ZNF280D: variants seen among roughly 807,000 people sequenced by gnomAD.
ZNF280D encodes zinc finger protein 280D.
A neutral mutation model predicts 94.7 loss-of-function variants in ZNF280D; 39 were observed. That is an observed-to-expected ratio of 0.41 (90% CI 0.32 to 0.54). ZNF280D has a LOEUF of 0.54. ZNF280D is among the 20% of genes least tolerant of loss of function. The pLI, the probability that ZNF280D is intolerant of heterozygous loss-of-function variation, is 0.22. For synonymous variants in ZNF280D, 398 were observed against 377.6 expected (o/e 1.05, Z -0.63); for missense variants, 1,090 against 1,149.3 (o/e 0.95, Z 0.75).
At chr15:56,683,406 G>C (rs1368325033) in intron 9 of ZNF280D, among the ~76,000 whole-genome samples, 3 of 152,158 alleles carry the variant, frequency 2.0e-5, no homozygotes, top group African/African-American at 7.2e-5. Context: ...GCATAGCTGA[G>C]CTGTGGTACA....
intron 21 of ZNF280D, 74 bp downstream of exon 21, chr15:56,635,121 C>T (rs992046716): frequency 1.1e-6 from 1 of 887,668 alleles, no homozygotes; most frequent in Non-Finnish European, 1.7e-6. Context: ...TGCCAGTTAA[C>T]TGTGAAATAA....
intron 4 of ZNF280D, among the ~76,000 whole-genome samples, chr15:56,701,611 T>C (rs1462473071): frequency 2.6e-5 from 4 of 152,116 alleles, no homozygotes; most frequent in Admixed American, 1.3e-4. Context: ...TTTAAATGTA[T>C]ATCTTTCTTT....
chr15:56,706,199 G>A (rs1039831389), intron 3 of ZNF280D, among the ~76,000 whole-genome samples: 1 of 143,806 alleles, frequency 7.0e-6, no homozygotes, highest in African/African-American at 2.6e-5. Context: ...TGGAGGACAG[G>A]CACAGTGGCT....
intron 16 of ZNF280D, among the ~76,000 whole-genome samples, chr15:56,663,426 G>C (rs1350760633): frequency 6.6e-6 from 1 of 152,106 alleles, no homozygotes; most frequent in Admixed American, 6.5e-5. Context: ...TACAGAGTTA[G>C]TACGGGATAG....
chr15:56,688,965 C>T, intron 9 of ZNF280D, 76 bp downstream of exon 9: 2 of 864,670 alleles, frequency 2.3e-6, no homozygotes, highest in Admixed American at 2.7e-5. Flanking sequence ...TCTGGACAAA[C>T]CATTAATTAC....
chr15:56,731,537 A>G (rs1312920303), intron 1 of ZNF280D, among the ~76,000 whole-genome samples: 1 of 151,354 alleles, frequency 6.6e-6, no homozygotes, highest in African/African-American at 2.4e-5. Flanking sequence ...AAGACTGAAA[A>G]GGAATTTTGA....
At position 56,702,023 on chromosome 15, in the gene ZNF280D, C is replaced by CAAA. The variant is rs36004101; in HGVS notation, c.176-788_176-786dup. 5.6e-3 allele frequency among the ~76,000 whole-genome samples: 714 copies of CAAA among 128,554 alleles called. 14 individuals carry two copies. The highest frequency in any genetic ancestry group is 0.025 in the South Asian group (99 of 3,984). The allele number at this position is 128,554 out of a possible 152,430, so 84.3% of individuals were successfully genotyped here. A position where few individuals can be genotyped will look rare whatever the true frequency, so the allele number is the denominator to read the frequency against. The stretch of plus-strand genomic sequence containing the variant: ...TGGTTAGAAAAAGGTAAAAAGCACC[C>CAAA]AAAAAAAAAAAAAAAAACCACCCAC... On this transcript the variant is annotated intron_variant, in intron 4 of 21. Coordinates refer to ENST00000267807, the MANE Select transcript of ZNF280D (RefSeq NM_017661.4).
chr15:56,640,461 T>C (rs1402800949), intron 20 of ZNF280D, among the ~76,000 whole-genome samples: 3 of 152,078 alleles, frequency 2.0e-5, no homozygotes, highest in African/African-American at 7.2e-5. Context: ...TCTAGAATGT[T>C]AGTCAGAAAA....
intron 1 of ZNF280D, among the ~76,000 whole-genome samples, chr15:56,711,760 C>T (rs2057770920): frequency 1.3e-5 from 2 of 152,314 alleles, no homozygotes; most frequent in South Asian, 2.1e-4. Flanking sequence ...TATGGTCATG[C>T]ATCACTTAAC....
chr15:56,698,339 C>G (rs566217575), intron 6 of ZNF280D: 4 of 152,168 alleles, frequency 2.6e-5, no homozygotes, highest in East Asian at 3.9e-4. Flanking sequence ...CACCACCCAT[C>G]AGAAAACTCT....
intron 13 of ZNF280D, among the ~76,000 whole-genome samples, chr15:56,669,540 C>CT (rs2054531688): frequency 2.0e-5 from 3 of 151,572 alleles, no homozygotes; most frequent in East Asian, 3.9e-4. Context: ...TGAAATGTGG[C>CT]CACTGTGACT....
chr15:56,665,703 CA>C lies in ZNF280D; in HGVS notation c.1994+691del, dbSNP rs71113013. ...TGGGCGACACAGCGAGACTCCGTCT[CA>C]AAAAAAAAAAAAAAAAAGGAGGATG... On this transcript the variant is annotated intron_variant, in intron 16 of 21. Transcript: ENST00000267807. Among the ~76,000 whole-genome samples the C allele has an allele frequency of 9.7e-3, 837 of 86,418 alleles. 7 individuals are homozygous for C. Among genetic ancestry groups the C allele is most frequent in the African/African-American group, 0.035 (765 of 21,754 alleles). 56.7% of individuals were successfully genotyped at this position (86,418 alleles called of 152,430 possible).
rs145475408 is a variant in ZNF280D at position 56,669,284 on chromosome 15, C to T, written c.1411-327G>A. Among the ~76,000 whole-genome samples, 854 of 152,030 alleles carry T rather than the reference C, an allele frequency of 5.6e-3. 2 individuals carry two copies. Among genetic ancestry groups the T allele is most frequent in the Non-Finnish European group, 8.1e-3 (548 of 67,926 alleles). On this transcript the variant is annotated intron_variant, in intron 13 of 21. Coordinates refer to ENST00000267807, the MANE Select transcript of ZNF280D (RefSeq NM_017661.4). Reference sequence around the variant, plus strand: ...CATACTTTGAAAATGAGATGTACTACGTTTTTATCCTAGAAAAAGGAAATT... The same window carrying T: ...CATACTTTGAAAATGAGATGTACTATGTTTTTATCCTAGAAAAAGGAAATT...
intron 1 of ZNF280D, among the ~76,000 whole-genome samples, chr15:56,723,080 G>A (rs1229823492): frequency 7.4e-6 from 1 of 134,732 alleles, no homozygotes; most frequent in Non-Finnish European, 1.5e-5. Context: ...GACTATTGTG[G>A]GGTGGGGGGA....
Position 56,632,086 on chromosome 15 carries a change from A to G in ZNF280D, c.2352T>C (p.Asn784=). 2.5e-6 allele frequency: 4 copies of G among 1,589,478 alleles called. No homozygotes were observed. Among genetic ancestry groups the G allele is most frequent in the Non-Finnish European group, 3.4e-6 (4 of 1,169,268 alleles). Residue 784 remains asparagine (N), a synonymous_variant, in exon 22 of 22, where the codon AAT becomes AAC. Transcript: ENST00000267807. ...QDKAASSKEK[N]GCNANSFEGS... ...CTTCAAATGAATTTGCATTACATCC[A>G]TTTTTTTCTTTTGAAGAAGCAGCTT...
chr15:56,637,633 A>G (rs1343362154), intron 20 of ZNF280D, among the ~76,000 whole-genome samples: 2 of 152,168 alleles, frequency 1.3e-5, no homozygotes, highest in Non-Finnish European at 2.9e-5. Flanking sequence ...AATTCATATC[A>G]TCCGTTTCCA....
chr15:56,632,564 T>C lies in ZNF280D; in HGVS notation c.2316-442A>G, dbSNP rs1429601139. On this transcript the variant is annotated intron_variant, in intron 21 of 21. Coordinates refer to ENST00000267807, the MANE Select transcript of ZNF280D (RefSeq NM_017661.4). The stretch of plus-strand genomic sequence containing the variant: ...CCAGACAGGAACACAGTGGTGCAAA[T>C]ATCTCACTGCAGCTTTGACCTCCTG... Among the ~76,000 whole-genome samples the C allele has an allele frequency of 3.4e-5, 5 of 147,498 alleles. No homozygotes were observed. In the East Asian group the frequency reaches 9.9e-4, roughly 29 times the overall value.
intron 17 of ZNF280D, 197 bp from the exon 18 acceptor site, chr15:56,654,700 T>C (rs1370467114): frequency 3.2e-6 from 2 of 628,088 alleles, no homozygotes; most frequent in Non-Finnish European, 5.9e-6. Flanking sequence ...CTACCATTTA[T>C]TTACAGAAAG....
chr15:56,662,887 A>G (rs1190298936), intron 16 of ZNF280D, among the ~76,000 whole-genome samples: 1 of 151,774 alleles, frequency 6.6e-6, no homozygotes, highest in Non-Finnish European at 1.5e-5. Context: ...AAAGAAAGTA[A>G]CGGCTGTGGT....
Sources: gnomAD v4.1 joint callset for allele counts (sites outside exome capture counted in the v4.1 genomes callset) on GRCh38, gnomAD v4.1.1 for gene constraint, MANE v1.5 for transcripts, NCBI Gene and HGNC (gene_info 2026-07-23, HGNC 2026-07-21) for gene names.